Variants in MARCKS observed in about 807,000 individuals in gnomAD.
MARCKS encodes myristoylated alanine rich protein kinase C substrate, also known as myristoylated alanine-rich C-kinase substrate.
MARCKS carries 4 observed loss-of-function variants against 6.3 expected under a neutral mutation model. The observed-to-expected ratio is 0.63, with a 90% CI of 0.31 to 1.45. The LOEUF (loss-of-function observed/expected upper bound fraction) is 1.45. Among genes scored for constraint, MARCKS ranks in the 40% most tolerant of loss-of-function variants. The probability of loss-of-function intolerance (pLI) is 0.07; values close to 1 mark genes in which losing one functional copy is unlikely to be tolerated. For synonymous variants in MARCKS, 289 were observed against 236.5 expected, an observed-to-expected ratio of 1.22 and a Z score of -2.04; for missense variants, 636 against 485.7, an observed-to-expected ratio of 1.31 and a Z score of -2.91.
At chr6:113,857,937 T>G (rs1774813615) in intron 1 of MARCKS, 90 bp downstream of exon 1, 4 of 1,078,202 alleles carry the variant, frequency 3.7e-6, no homozygotes, top group Non-Finnish European at 5.5e-6. Flanking sequence ...TGGAGAGGAG[T>G]GTGGCTGGAT....
chr6:113,858,196 GTC>G (rs993914376), intron 1 of MARCKS, among the ~76,000 whole-genome samples: 4 of 152,148 alleles, frequency 2.6e-5, no homozygotes, highest in East Asian at 1.9e-4. Context: ...GTGTTTGGGT[GTC>G]TCTCGGGTTT....
chr6:113,857,581 C>T lies in MARCKS; in HGVS notation c.-165C>T, dbSNP rs1029569558. On this transcript the variant is annotated 5_prime_UTR_variant, in exon 1 of 2. Coordinates refer to ENST00000612661, the MANE Select transcript of MARCKS (RefSeq NM_002356.7). ...TTATCCGGAGTGTATTTAATCGGTT[C>T]TGTTCTGTCCTCTCCACCACCCCCA... The T allele has an allele frequency of 8.5e-6, 5 of 587,568 alleles. No homozygotes were observed. The highest frequency in any genetic ancestry group is 1.2e-5 in the Non-Finnish European group (4 of 329,536). The allele number at this position is 587,568 out of a possible 1,614,324, so 36.4% of individuals were successfully genotyped here.
intron 1 of MARCKS, 105 bp from the exon 2 acceptor site, chr6:113,859,578 A>C: frequency 9.6e-7 from 1 of 1,045,238 alleles, no homozygotes; most frequent in Non-Finnish European, 1.3e-6. Flanking sequence ...CTCGATGGCC[A>C]CAGGGGCCTT....
rs1338750294 is a variant in MARCKS, at chr6:113,862,117, ATT to A, written c.*1540_*1541del. 1 of 152,168 alleles carries A rather than the reference ATT, an allele frequency of 6.6e-6. No homozygotes were observed. The highest frequency in any genetic ancestry group is 1.5e-5 in the Non-Finnish European group (1 of 67,976). The allele number at this position is 152,168 out of a possible 1,614,324, so 9.4% of individuals were successfully genotyped here. A position where few individuals can be genotyped will look rare whatever the true frequency, so the allele number is the denominator to read the frequency against. ...ACAAAAGGGGTGTGAACCTAAGACT[ATT>A]TAAATGTCTTATGAGAAAATTTCAT... On this transcript the variant is annotated 3_prime_UTR_variant, in exon 2 of 2. Transcript: ENST00000612661.
In MARCKS at chr6:113,860,403, A is replaced by G; in HGVS notation, c.823A>G (p.Ser275Gly). The change falls in exon 2 of 2, where the codon AGC (serine) becomes GGC (glycine). Residue 275 changes from serine to glycine, a missense_variant. Transcript: ENST00000612661. The stretch of plus-strand genomic sequence containing the variant: ...GAAAAAGGCCGAGGAGGCCGGGGCC[A>G]GCGCCGCCGCCTGCGAGGCCCCCTC... ...EEKKAEEAGA[S>G]AAACEAPSAA... 4.3e-6 allele frequency: 5 copies of G among 1,168,404 alleles called. No homozygotes were observed. Among genetic ancestry groups the G allele is most frequent in the Non-Finnish European group, 5.4e-6 (5 of 931,998 alleles). 72.4% of individuals were successfully genotyped at this position (1,168,404 alleles called of 1,614,324 possible).
At position 113,859,672 on chromosome 6, in the gene MARCKS, C is replaced by T. The variant is rs1257368551; in HGVS notation, c.103-11C>T. 1 of 1,486,718 alleles carries T rather than the reference C, an allele frequency of 6.7e-7. No homozygotes were observed. Among genetic ancestry groups the T allele is most frequent in the Non-Finnish European group, 8.9e-7 (1 of 1,118,996 alleles). 92.1% of individuals were successfully genotyped at this position (1,486,718 alleles called of 1,614,324 possible). A position where few individuals can be genotyped will look rare whatever the true frequency, so the allele number is the denominator to read the frequency against. On this transcript the variant is annotated splice_polypyrimidine_tract_variant and intron_variant, in intron 1 of 1. Coordinates refer to ENST00000612661, the MANE Select transcript of MARCKS (RefSeq NM_002356.7). ...CGCTTCAGTGACGCTCCCGCTTTCTCTGCCCCTTAGGAGAATGGCCACGTG... is the reference window on the plus strand; with the variant it reads ...CGCTTCAGTGACGCTCCCGCTTTCTTTGCCCCTTAGGAGAATGGCCACGTG...
At chr6:113,857,876 T>C (rs774868136) in intron 1 of MARCKS, 29 bp downstream of exon 1, 87 of 1,543,170 alleles carry the variant, frequency 5.6e-5, no homozygotes, top group Non-Finnish European at 7.6e-5. Context: ...TGTGGTCATT[T>C]ATTTCGTGTC....
In MARCKS at chr6:113,859,811, CG is replaced by C; in HGVS notation, c.235del (p.Ala79ArgfsTer25). ...AGGAGGAGCCCGCGGCCGCCGGGAG[CG>C]GGGCGGCGTCGCCCTCCGCGGCCGA... The part of the protein sequence containing the change: ...DKEEPAAAGS[G>X]AASPSAAEKG... On this transcript the variant is annotated frameshift_variant, in exon 2 of 2. Coordinates refer to ENST00000612661, the MANE Select transcript of MARCKS (RefSeq NM_002356.7). LOFTEE classifies it low-confidence loss of function (END_TRUNC). 7.4e-7 allele frequency: 1 copy of C among 1,347,608 alleles called. No homozygotes were observed. Among genetic ancestry groups the C allele is most frequent in the Non-Finnish European group, 9.5e-7 (1 of 1,053,250 alleles). The allele number at this position is 1,347,608 out of a possible 1,614,324, so 83.5% of individuals were successfully genotyped here. A position where few individuals can be genotyped will look rare whatever the true frequency, so the allele number is the denominator to read the frequency against.
chr6:113,859,925 G>A lies in MARCKS; in HGVS notation c.345G>A (p.Glu115=). The change falls in exon 2 of 2, where the codon GAG becomes GAA. Residue 115 remains glutamate (E), a synonymous_variant. Coordinates refer to ENST00000612661, the MANE Select transcript of MARCKS (RefSeq NM_002356.7). ...CCCCCGCGGAAGGCGAGGCTGCCGA[G>A]CCCGGCTCGCCCACGGCCGCGGAGG... ...KEAPAEGEAA[E]PGSPTAAEGE... 1.4e-6 allele frequency: 2 copies of A among 1,467,012 alleles called. No individual in the cohort carries two copies. The highest frequency in any genetic ancestry group is 1.8e-6 in the Non-Finnish European group (2 of 1,113,124). 90.9% of individuals were successfully genotyped at this position (1,467,012 alleles called of 1,614,324 possible). A position where few individuals can be genotyped will look rare whatever the true frequency, so the allele number is the denominator to read the frequency against.
Position 113,857,448 on chromosome 6 carries a change from CTTT to C in MARCKS, c.-291_-289del. On this transcript the variant is annotated 5_prime_UTR_variant, in exon 1 of 2. Coordinates refer to ENST00000612661, the MANE Select transcript of MARCKS (RefSeq NM_002356.7). The stretch of plus-strand genomic sequence containing the variant: ...CAAATCTGGGATTTTTTTATTACTT[CTTT>C]TTTTTTCGAACTACACTTGGGCTCC... 1 of 342,648 alleles carries C rather than the reference CTTT, an allele frequency of 2.9e-6. No homozygotes were observed. Among genetic ancestry groups the C allele is most frequent in the Non-Finnish European group, 5.4e-6 (1 of 186,520 alleles). 21.2% of individuals were successfully genotyped at this position (342,648 alleles called of 1,614,324 possible). A position where few individuals can be genotyped will look rare whatever the true frequency, so the allele number is the denominator to read the frequency against.
Position 113,860,068 on chromosome 6 carries a change from C to T in MARCKS, c.488C>T (p.Ser163Phe). The change falls in exon 2 of 2, where the codon TCT (serine) becomes TTT (phenylalanine). Residue 163 changes from serine to phenylalanine, a missense_variant. By Grantham distance (155) the Ser-to-Phe change is radical. Transcript: ENST00000612661. Reference protein sequence around the residue: ...KKKKRFSFKKSFKLSGFSFKK... With the variant: ...KKKKRFSFKKFFKLSGFSFKK... The stretch of plus-strand genomic sequence containing the variant: ...AAGAAGCGCTTTTCCTTCAAGAAGT[C>T]TTTCAAGCTGAGCGGCTTCTCCTTC... 1 of 1,577,012 alleles carries T rather than the reference C, an allele frequency of 6.3e-7. No homozygotes were observed. Among genetic ancestry groups the T allele is most frequent in the Non-Finnish European group, 8.6e-7 (1 of 1,162,668 alleles).
rs770341869 is a variant in MARCKS, at chr6:113,860,195, C to A, written c.615C>A (p.Ala205=). ...CCGGGGGCGCAGCTGCGGCCGCCGC[C>A]GAGGCGGGCGCGGCCTCCGGGGAGC... is the stretch of plus-strand genomic sequence containing the variant. ...EAAGGAAAAA[A]EAGAASGEQA... Residue 205 remains alanine, a synonymous_variant, in exon 2 of 2, where the codon GCC becomes GCA. Transcript: ENST00000612661. 18 of 1,150,196 alleles carry A rather than the reference C, an allele frequency of 1.6e-5. No homozygotes were observed. The highest frequency in any genetic ancestry group is 1.8e-5 in the Non-Finnish European group (17 of 931,398). 71.2% of individuals were successfully genotyped at this position (1,150,196 alleles called of 1,614,324 possible). A position where few individuals can be genotyped will look rare whatever the true frequency, so the allele number is the denominator to read the frequency against.
chr6:113,857,643 T>TGCC lies in MARCKS; in HGVS notation c.-94_-92dup, dbSNP rs1453068894. ...CCGGTGTGTGTGCCGCTGCCGCTGT[T>TGCC]GCCGCCGCCGCTGCTGCTGCTGCTC... On this transcript the variant is annotated 5_prime_UTR_variant, in exon 1 of 2. Coordinates refer to ENST00000612661, the MANE Select transcript of MARCKS (RefSeq NM_002356.7). 1,421 of 511,842 alleles carry TGCC rather than the reference T, an allele frequency of 2.8e-3. 3 individuals carry two copies. The highest frequency in any genetic ancestry group is 4.7e-3 in the Middle Eastern group (8 of 1,696). The allele number at this position is 511,842 out of a possible 1,614,324, so 31.7% of individuals were successfully genotyped here.
In MARCKS at chr6:113,857,501, C is replaced by A; in HGVS notation, c.-245C>A. 1 of 470,238 alleles carries A rather than the reference C, an allele frequency of 2.1e-6. No individual in the cohort carries two copies. The allele number at this position is 470,238 out of a possible 1,614,324, so 29.1% of individuals were successfully genotyped here. A position where few individuals can be genotyped will look rare whatever the true frequency, so the allele number is the denominator to read the frequency against. On this transcript the variant is annotated 5_prime_UTR_variant, in exon 1 of 2. Coordinates refer to ENST00000612661, the MANE Select transcript of MARCKS (RefSeq NM_002356.7). ...CTTTTTTTGTGCTCGACTTTTCCAC[C>A]CTTTTTCCCTCCCTCCTGTGCTGCT...
At chr6:113,857,998 A>G (rs1774814355) in intron 1 of MARCKS, 151 bp downstream of exon 1, 2 of 724,304 alleles carry the variant, frequency 2.8e-6, no homozygotes, top group Admixed American at 2.2e-5. Flanking sequence ...TGGATTTTTC[A>G]TAGCCGGGGT....
At chr6:113,859,644 G>C in intron 1 of MARCKS, 39 bp from the exon 2 acceptor site, 1 of 1,442,976 alleles carries the variant, frequency 6.9e-7, no homozygotes, top group Non-Finnish European at 9.1e-7. Context: ...GCGGCGCCCC[G>C]GCCGCTTCAG....
At position 113,857,654 on chromosome 6, in the gene MARCKS, C is replaced by A; in HGVS notation, c.-92C>A. The A allele has an allele frequency of 2.0e-6, 1 of 511,382 alleles. No individual in the cohort carries two copies. Among genetic ancestry groups the A allele is most frequent in the Non-Finnish European group, 3.1e-6 (1 of 324,516 alleles). 31.7% of individuals were successfully genotyped at this position (511,382 alleles called of 1,614,324 possible). The stretch of plus-strand genomic sequence containing the variant: ...GCCGCTGCCGCTGTTGCCGCCGCCG[C>A]TGCTGCTGCTGCTCGCCCCGTCGTT... On this transcript the variant is annotated 5_prime_UTR_variant, in exon 1 of 2. The change creates a new upstream start codon in the 5' untranslated region. Transcript: ENST00000612661.
chr6:113,859,011 C>A (rs1774833090), intron 1 of MARCKS, among the ~76,000 whole-genome samples: 1 of 152,074 alleles, frequency 6.6e-6, no homozygotes, highest in African/African-American at 2.4e-5. Context: ...GGCGCCTCGG[C>A]CTGCGGGCAG....
Position 113,860,404 on chromosome 6 carries a change from G to T in MARCKS, c.824G>T (p.Ser275Ile). 2 of 1,170,600 alleles carry T rather than the reference G, an allele frequency of 1.7e-6. No homozygotes were observed. The highest frequency in any genetic ancestry group is 4.2e-5 in the South Asian group (2 of 47,478). The allele number at this position is 1,170,600 out of a possible 1,614,324, so 72.5% of individuals were successfully genotyped here. The part of the protein sequence containing the change: ...EEKKAEEAGA[S>I]AAACEAPSAA... ...AAAAAGGCCGAGGAGGCCGGGGCCA[G>T]CGCCGCCGCCTGCGAGGCCCCCTCC... Residue 275 changes from serine to isoleucine, a missense_variant, in exon 2 of 2, where the codon AGC becomes ATC. By Grantham distance (142) the Ser-to-Ile change is moderately radical. Coordinates refer to ENST00000612661, the MANE Select transcript of MARCKS (RefSeq NM_002356.7).
Sources: gnomAD v4.1 joint callset for allele counts (sites outside exome capture counted in the v4.1 genomes callset) on GRCh38, gnomAD v4.1.1 for gene constraint, MANE v1.5 for transcripts, NCBI Gene and HGNC (gene_info 2026-07-23, HGNC 2026-07-21) for gene names.